Variants in POLR1A observed in about 807,000 individuals in gnomAD.
The protein encoded by POLR1A is RNA polymerase I subunit A.
POLR1A carries 84 observed loss-of-function variants against 205.3 expected under a neutral mutation model. That is an observed-to-expected ratio of 0.41 (90% CI 0.34 to 0.49). The LOEUF (loss-of-function observed/expected upper bound fraction) is 0.49, where lower values mean the gene tolerates loss of function less well. Among genes scored for constraint, POLR1A ranks in the 20% least tolerant of loss-of-function variants. The probability of loss-of-function intolerance (pLI) is 0.22; values close to 1 mark genes in which losing one functional copy is unlikely to be tolerated. For missense variants in POLR1A, 1,645 were observed against 2,204.5 expected (o/e 0.75, Z 5.08); for synonymous variants, 799 against 863.7 (o/e 0.93, Z 1.31).
At chr2:86,064,881 G>A (rs564845274) in intron 14 of POLR1A, among the ~76,000 whole-genome samples, 3 of 151,918 alleles carry the variant, frequency 2.0e-5, no homozygotes, top group South Asian at 4.2e-4. Context: ...AGGCTGAGGC[G>A]ATTCTCTTGC....
intron 3 of POLR1A, among the ~76,000 whole-genome samples, chr2:86,095,069 C>T (rs1673680666): frequency 6.6e-6 from 1 of 152,230 alleles, no homozygotes; most frequent in Non-Finnish European, 1.5e-5. Context: ...CACAGGGCTG[C>T]CCACATGTGC....
chr2:86,071,472 G>A (rs1057362805), intron 12 of POLR1A, among the ~76,000 whole-genome samples: 1 of 152,066 alleles, frequency 6.6e-6, no homozygotes, highest in Admixed American at 6.6e-5. Context: ...CTACATCTTA[G>A]CATCGTTCTT....
At chr2:86,079,298 T>C (rs1212977888) in intron 9 of POLR1A, among the ~76,000 whole-genome samples, 1 of 152,176 alleles carries the variant, frequency 6.6e-6, no homozygotes, top group East Asian at 1.9e-4. Flanking sequence ...CGGGCCCTGT[T>C]AGCCCAACTC....
At chr2:86,101,961 G>C (rs1353117165) in intron 1 of POLR1A, among the ~76,000 whole-genome samples, 1 of 152,124 alleles carries the variant, frequency 6.6e-6, no homozygotes. Flanking sequence ...AGGATGTGTT[G>C]AACTTTTTTC....
intron 22 of POLR1A, 64 bp from the exon 23 acceptor site, chr2:86,043,259 G>A (rs933537394): frequency 1.4e-5 from 19 of 1,353,528 alleles, no homozygotes; most frequent in Non-Finnish European, 1.8e-5. Context: ...AGATGAGGGC[G>A]TGACAAGAGG....
chr2:86,085,901 T>C (rs957416461), intron 6 of POLR1A, among the ~76,000 whole-genome samples: 1 of 152,238 alleles, frequency 6.6e-6, no homozygotes, highest in Non-Finnish European at 1.5e-5. Flanking sequence ...GTCTTGGCTA[T>C]ATGAATTCTC....
intron 27 of POLR1A, among the ~76,000 whole-genome samples, 184 bp downstream of exon 27, chr2:86,038,516 C>A (rs1293713797): frequency 6.6e-6 from 1 of 152,200 alleles, no homozygotes; most frequent in Admixed American, 6.5e-5. Context: ...TACCCACAAG[C>A]CAGACTGTGG....
In POLR1A at chr2:86,042,045, G is replaced by A; in HGVS notation, c.3416C>T (p.Ala1139Val). The A allele has an allele frequency of 3.7e-6, 6 of 1,613,718 alleles. No individual in the cohort carries two copies. Among genetic ancestry groups the A allele is most frequent in the South Asian group, 3.3e-5 (3 of 91,060 alleles). ...EESRRKYQKK[A>V]AACPDPSLSV... ...CAGACTGGGGTCAGGACAAGCGGCCGCCTTCTTCTGGTATTTCCTTCGGCT... is the reference window on the plus strand; with the variant it reads ...CAGACTGGGGTCAGGACAAGCGGCCACCTTCTTCTGGTATTTCCTTCGGCT... The change falls in exon 24 of 34, where the codon GCG (alanine) becomes GTG (valine). Residue 1139 changes from alanine (A) to valine (V), a missense_variant. Ala to Val is a moderately conservative substitution (Grantham distance 64). Coordinates refer to ENST00000263857, the MANE Select transcript of POLR1A (RefSeq NM_015425.6).
At chr2:86,064,725 T>C (rs888057871) in intron 14 of POLR1A, among the ~76,000 whole-genome samples, 11 of 151,948 alleles carry the variant, frequency 7.2e-5, no homozygotes, top group Admixed American at 6.5e-4. Context: ...AAATTTAAGT[T>C]AGAAGCAAAG....
At chr2:86,101,985 G>C (rs917750189) in intron 1 of POLR1A, among the ~76,000 whole-genome samples, 4 of 152,160 alleles carry the variant, frequency 2.6e-5, no homozygotes, top group Admixed American at 6.5e-5. Flanking sequence ...TTTTAGGGCT[G>C]AACAATATCC....
chr2:86,075,818 C>T (rs1673272363), intron 11 of POLR1A, among the ~76,000 whole-genome samples: 2 of 152,166 alleles, frequency 1.3e-5, no homozygotes, highest in Admixed American at 6.6e-5. Flanking sequence ...AATTTTTTCA[C>T]CCAGTCTAAA....
At chr2:86,093,226 T>C (rs568563077) in intron 3 of POLR1A, among the ~76,000 whole-genome samples, 1 of 152,342 alleles carries the variant, frequency 6.6e-6, no homozygotes, top group South Asian at 2.1e-4. Context: ...GTAAACACCA[T>C]ACTTAATAGT....
chr2:86,083,732 T>TG (rs1281536438), intron 6 of POLR1A, among the ~76,000 whole-genome samples: 1 of 152,232 alleles, frequency 6.6e-6, no homozygotes, highest in Non-Finnish European at 1.5e-5. Context: ...TTTATCTACC[T>TG]GTTTTTTACC....
At chr2:86,105,625 G>A (rs956026384) in intron 1 of POLR1A, 75 bp downstream of exon 1, 37 of 976,484 alleles carry the variant, frequency 3.8e-5, no homozygotes, top group Non-Finnish European at 5.6e-5. Flanking sequence ...CTGGGCAAAA[G>A]CGCTTCTGGG....
intron 1 of POLR1A, 113 bp from the exon 2 acceptor site, chr2:86,100,285 T>C: frequency 1.3e-6 from 1 of 770,220 alleles, no homozygotes; most frequent in Non-Finnish European, 2.2e-6. Flanking sequence ...TTGATAGCTC[T>C]GGAGGGCACA....
At position 86,026,395 on chromosome 2, in the gene POLR1A, C is replaced by T. The variant is rs1382989802; in HGVS notation, c.*1028G>A. The T allele has an allele frequency of 2.0e-5, 3 of 152,222 alleles. No homozygotes were observed. The highest frequency in any genetic ancestry group is 7.2e-5 in the African/African-American group (3 of 41,438). 9.4% of individuals were successfully genotyped at this position (152,222 alleles called of 1,614,324 possible). A position where few individuals can be genotyped will look rare whatever the true frequency, so the allele number is the denominator to read the frequency against. ...AGTTCCAATGATGTTAATTACCCGC[C>T]CTGAGCTGAAATAACAGTAGACAAA... On this transcript the variant is annotated 3_prime_UTR_variant, in exon 34 of 34. Coordinates refer to ENST00000263857, the MANE Select transcript of POLR1A (RefSeq NM_015425.6).
At chr2:86,027,781 A>T in intron 33 of POLR1A, 104 bp downstream of exon 33, 1 of 1,324,204 alleles carries the variant, frequency 7.6e-7, no homozygotes, top group Non-Finnish European at 1.1e-6. Flanking sequence ...AGATCCCAAG[A>T]TCCCACTGGT....
At chr2:86,035,204 C>T (rs976782718) in intron 27 of POLR1A, among the ~76,000 whole-genome samples, 1 of 152,080 alleles carries the variant, frequency 6.6e-6, no homozygotes, top group African/African-American at 2.4e-5. Flanking sequence ...TAAAGGTGTA[C>T]GTGGTTTGCC....
rs766603406 is a variant in POLR1A, at chr2:86,049,010, G to C, written c.2508C>G (p.Ala836=). The C allele has an allele frequency of 1.2e-6, 2 of 1,614,198 alleles. No homozygotes were observed. Among genetic ancestry groups the C allele is most frequent in the Admixed American group, 3.3e-5 (2 of 60,024 alleles). ...AVRAALNLPE[A]ASYDEVRGKW... Reference sequence around the variant, plus strand: ...TTCCTCGGACCTCATCATATGATGCGGCTTCTGGCAGGTTTAATGCAGCCC... The same window carrying C: ...TTCCTCGGACCTCATCATATGATGCCGCTTCTGGCAGGTTTAATGCAGCCC... The change falls in exon 18 of 34, where the codon GCC becomes GCG. Residue 836 remains alanine, a synonymous_variant. Transcript: ENST00000263857.
Sources: allele counts gnomAD v4.1 joint callset (sites outside exome capture counted in the v4.1 genomes callset), GRCh38; gene constraint gnomAD v4.1.1; transcripts MANE v1.5; gene names NCBI Gene and HGNC (gene_info 2026-07-23, HGNC 2026-07-21).